The following RSF1 variants were observed in gnomAD, a reference collection of about 807,000 sequenced individuals.
RSF1 encodes remodeling and spacing factor 1, also known as HBV pX-associated protein 8.
In RSF1, 13 loss-of-function variants were observed where a neutral mutation model predicts 145.2. That is an observed-to-expected ratio of 0.09 (90% CI 0.06 to 0.14). The LOEUF (loss-of-function observed/expected upper bound fraction) is 0.14. Among genes scored for constraint, RSF1 ranks in the 10% least tolerant of loss-of-function variants. The probability of loss-of-function intolerance (pLI) is 1.00; values close to 1 mark genes in which losing one functional copy is unlikely to be tolerated. For synonymous variants in RSF1, 577 were observed against 592.6 expected (o/e 0.97, Z 0.38); for missense variants, 1,517 against 1,718.2 (o/e 0.88, Z 2.07).
At chr11:77,843,474 G>A in the RSF1 span, among the ~76,000 whole-genome samples, 1 of 152,174 alleles carries the variant, frequency 6.6e-6, no homozygotes, top group East Asian at 1.9e-4. Flanking sequence ...GCTGAGGGGA[G>A]AAAGAGTCTT....
intron 2 of RSF1, among the ~76,000 whole-genome samples, chr11:77,751,635 T>C (rs1948064949): frequency 1.3e-5 from 2 of 152,186 alleles, no homozygotes; most frequent in African/African-American, 2.4e-5. Flanking sequence ...TAATGCTACT[T>C]AGAAGACAGA....
chr11:77,826,492 A>G, the RSF1 span, among the ~76,000 whole-genome samples: 2 of 152,216 alleles, frequency 1.3e-5, no homozygotes, highest in Non-Finnish European at 2.9e-5. Context: ...CATCCTATAC[A>G]GCAAGGCCTG....
intron 1 of RSF1, among the ~76,000 whole-genome samples, chr11:77,790,809 C>T (rs918343674): frequency 5.9e-5 from 9 of 152,290 alleles, no homozygotes; most frequent in Non-Finnish European, 1.2e-4. Context: ...ATACAGGTCA[C>T]GCTGATGCAA....
chr11:77,686,422 A>AAAAAAAAAAAAAAAAAAAAAAAAAAAAC (rs1454324021), intron 9 of RSF1, among the ~76,000 whole-genome samples: 1 of 149,574 alleles, frequency 6.7e-6, no homozygotes, highest in African/African-American at 2.5e-5. Flanking sequence ...AAAAAAAAAA[A>AAAAAAAAAAAAAAAAAAAAAAAAAAAAC]AAAAAAGCAG....
intron 6 of RSF1, among the ~76,000 whole-genome samples, chr11:77,700,462 T>A (rs1486898347): frequency 1.3e-5 from 2 of 151,484 alleles, no homozygotes; most frequent in Non-Finnish European, 2.9e-5. Context: ...ATTCTCATTC[T>A]ATAATTCTAC....
chr11:77,700,171 C>T (rs1387928881), intron 6 of RSF1, among the ~76,000 whole-genome samples: 8 of 151,678 alleles, frequency 5.3e-5, no homozygotes, highest in Non-Finnish European at 8.8e-5. Flanking sequence ...GCCAACATGG[C>T]GAAAACCCAC....
intron 2 of RSF1, among the ~76,000 whole-genome samples, chr11:77,757,043 C>A (rs537811): frequency 0.22 from 33,153 of 152,082 alleles, 3,707 homozygotes; most frequent in Middle Eastern, 0.25. Context: ...TGAAGGGAAA[C>A]CAAGGAAACT....
At chr11:77,872,024 A>T in the RSF1 span, 2 of 699,724 alleles carry the variant, frequency 2.9e-6, no homozygotes, top group South Asian at 3.0e-5. Flanking sequence ...ATTGGGGCTC[A>T]CTGCCAAATT....
chr11:77,776,579 T>C (rs1436254480), intron 1 of RSF1, among the ~76,000 whole-genome samples: 2 of 152,180 alleles, frequency 1.3e-5, no homozygotes, highest in Admixed American at 6.5e-5. Flanking sequence ...TTAGAAAATG[T>C]ATATGATGTA....
At chr11:77,858,112 G>A in the RSF1 span, among the ~76,000 whole-genome samples, 1 of 151,836 alleles carries the variant, frequency 6.6e-6, no homozygotes, top group Non-Finnish European at 1.5e-5. Context: ...TGAAACTCCT[G>A]GACTCAAGCA....
intron 1 of RSF1, among the ~76,000 whole-genome samples, chr11:77,819,723 G>A (rs1948826776): frequency 2.0e-5 from 3 of 152,178 alleles, no homozygotes; most frequent in South Asian, 4.1e-4. Flanking sequence ...CAAGATGAAG[G>A]GGGAAGGGAT....
chr11:77,696,222 T>C (rs1053397182), intron 7 of RSF1, among the ~76,000 whole-genome samples: 2 of 152,332 alleles, frequency 1.3e-5, no homozygotes, highest in Middle Eastern at 3.4e-3. Flanking sequence ...GAAGATTGCT[T>C]CTACTCTGCA....
chr11:77,775,150 A>C (rs1288263185), intron 1 of RSF1, among the ~76,000 whole-genome samples: 1 of 151,534 alleles, frequency 6.6e-6, no homozygotes, highest in African/African-American at 2.4e-5. Context: ...CAGGAGGCTG[A>C]GACAGGAGAA....
chr11:77,870,283 A>C, the RSF1 span, among the ~76,000 whole-genome samples: 3 of 148,502 alleles, frequency 2.0e-5, no homozygotes, highest in South Asian at 6.4e-4. Flanking sequence ...GCCTCCCAAA[A>C]TGCTAGGATT....
At chr11:77,802,624 A>G (rs964078533) in intron 1 of RSF1, among the ~76,000 whole-genome samples, 23 of 152,080 alleles carry the variant, frequency 1.5e-4, no homozygotes, top group Non-Finnish European at 2.5e-4. Flanking sequence ...GCCTACTGCA[A>G]TCTCCGCCTC....
At chr11:77,672,367 C>G in intron 14 of RSF1, 137 bp from the exon 15 acceptor site, 1 of 687,710 alleles carries the variant, frequency 1.5e-6, no homozygotes, top group South Asian at 2.1e-5. Flanking sequence ...TTATGAGTCT[C>G]ATTTTATTTG....
chr11:77,810,196 C>T (rs528139637), intron 1 of RSF1, among the ~76,000 whole-genome samples: 1 of 152,206 alleles, frequency 6.6e-6, no homozygotes, highest in Non-Finnish European at 1.5e-5. Context: ...ATTCATCCAA[C>T]CTTACCCTCC....
chr11:77,766,618 C>T (rs923260458), intron 1 of RSF1, among the ~76,000 whole-genome samples: 2 of 152,000 alleles, frequency 1.3e-5, no homozygotes, highest in Non-Finnish European at 2.9e-5. Context: ...AAGGGCATTG[C>T]TTGCACAAAA....
rs559299645 is a variant in RSF1, at chr11:77,739,827, C to T, written c.578+904G>A. Among the ~76,000 whole-genome samples, 10 of 152,176 alleles carry T rather than the reference C, an allele frequency of 6.6e-5. No individual in the cohort carries two copies. In the South Asian group the frequency reaches 1.5e-3, roughly 22 times the overall value. Reference sequence around the variant, plus strand: ...TAAAGACACAAAGATTCTGTAATAACGGTTCTAGTATTACTCATAGGGTTT... The same window carrying T: ...TAAAGACACAAAGATTCTGTAATAATGGTTCTAGTATTACTCATAGGGTTT... On this transcript the variant is annotated intron_variant, in intron 4 of 15. Coordinates refer to ENST00000308488, the MANE Select transcript of RSF1 (RefSeq NM_016578.4).
Sources: allele counts gnomAD v4.1 joint callset (sites outside exome capture counted in the v4.1 genomes callset), GRCh38; gene constraint gnomAD v4.1.1; transcripts MANE v1.5; gene names NCBI Gene and HGNC (gene_info 2026-07-23, HGNC 2026-07-21).